Variants in AGAP1 observed in about 807,000 individuals in gnomAD.
The protein encoded by AGAP1 is ArfGAP with GTPase domain, ankyrin repeat and PH domain 1.
AGAP1 carries 29 observed loss-of-function variants against 105.3 expected under a neutral mutation model. The observed-to-expected ratio is 0.28, with a 90% confidence interval of 0.21 to 0.38. AGAP1 has a LOEUF of 0.38. Ranked by LOEUF, AGAP1 falls within the 10% of genes least tolerant of loss-of-function variation. The pLI is 1.00. For missense variants in AGAP1, 998 were observed against 1,165.1 expected (o/e 0.86, Z 2.09); for synonymous variants, 509 against 485.9 (o/e 1.05, Z -0.63).
At chr2:235,767,463 T>C (rs1423549273) in intron 6 of AGAP1, among the ~76,000 whole-genome samples, 3 of 152,156 alleles carry the variant, frequency 2.0e-5, no homozygotes, top group Non-Finnish European at 1.5e-5. Flanking sequence ...AGCCGTTGCT[T>C]TTTCCGTTGA....
In AGAP1 at chr2:236,116,855, C is replaced by T. The variant is rs1046016947; in HGVS notation, c.2115-3337C>T. Among the ~76,000 whole-genome samples, 6 of 152,022 alleles carry T rather than the reference C, an allele frequency of 3.9e-5. No individual in the cohort carries two copies. The South Asian group carries it at 6.2e-4, about 16-fold the overall frequency. On this transcript the variant is annotated intron_variant, in intron 16 of 17. Transcript: ENST00000304032. ...ATCAGTGAGAACATGCGATGTTTGG[C>T]TTTCCATTCTTGAGTTACTTTCCTT...
At chr2:235,785,344 C>T (rs1956557313) in intron 6 of AGAP1, among the ~76,000 whole-genome samples, 1 of 152,168 alleles carries the variant, frequency 6.6e-6, no homozygotes, top group Non-Finnish European at 1.5e-5. Flanking sequence ...GCAAATTAGA[C>T]CTGATAAGTT....
rs1444281049 is a variant in AGAP1 at position 236,104,836 on chromosome 2, T to C, written c.2115-15356T>C. ...TGAACCGGGACCCGGGAGGCGGAGG[T>C]AGCAGTGAGCCCAAGTTCATGCCAC... On this transcript the variant is annotated intron_variant, in intron 16 of 17. Transcript: ENST00000304032. The surrounding 1 kb of genome is among the most constrained non-coding windows in gnomAD (Gnocchi z 4.7). Among the ~76,000 whole-genome samples, 1 of 151,144 alleles carries C rather than the reference T, an allele frequency of 6.6e-6. No individual in the cohort carries two copies. The highest frequency in any genetic ancestry group is 1.5e-5 in the Non-Finnish European group (1 of 67,822).
At chr2:235,502,446 G>A (rs989986382) in intron 1 of AGAP1, among the ~76,000 whole-genome samples, 13 of 152,150 alleles carry the variant, frequency 8.5e-5, no homozygotes, top group African/African-American at 2.7e-4. Context: ...TCTTCCATTG[G>A]TAACCAGAAC....
rs1016337030 is a variant in AGAP1 at position 235,883,132 on chromosome 2, T to C, written c.1051-213T>C. On this transcript the variant is annotated intron_variant, in intron 9 of 17. Coordinates refer to ENST00000304032, the MANE Select transcript of AGAP1 (RefSeq NM_001037131.3). The surrounding 1 kb of genome is among the most constrained non-coding windows in gnomAD (Gnocchi z 4.5). ...TACCTTTAGGTGTTTCCTGTGTGTT[T>C]AGCAGTTAATTATCCAAAAGATCTA... Among the ~76,000 whole-genome samples, 2 of 152,140 alleles carry C rather than the reference T, an allele frequency of 1.3e-5. No individual in the cohort carries two copies. Among genetic ancestry groups the C allele is most frequent in the Non-Finnish European group, 2.9e-5 (2 of 68,036 alleles).
intron 6 of AGAP1, among the ~76,000 whole-genome samples, chr2:235,764,189 T>C (rs1954718967): frequency 2.0e-5 from 3 of 152,178 alleles, no homozygotes. Context: ...CAGACAAATA[T>C]CTGAAGTACA....
chr2:235,886,727 A>G lies in AGAP1; in HGVS notation c.1155+3278A>G, dbSNP rs182417542. Among the ~76,000 whole-genome samples the G allele has an allele frequency of 5.9e-5, 9 of 152,336 alleles. No homozygotes were observed. The East Asian group carries it at 1.5e-3, about 26-fold the overall frequency. On this transcript the variant is annotated intron_variant, in intron 10 of 17. Coordinates refer to ENST00000304032, the MANE Select transcript of AGAP1 (RefSeq NM_001037131.3). ...TTTTGATGCAGGTACGTAGTTCCCT[A>G]TGGAAGGGGCTTAATCCAGGAATGG...
At chr2:235,806,857 T>G (rs1193147289) in intron 8 of AGAP1, among the ~76,000 whole-genome samples, 1 of 152,244 alleles carries the variant, frequency 6.6e-6, no homozygotes, top group African/African-American at 2.4e-5. Context: ...GTTGATGTAG[T>G]AGATTTTCCA....
rs1279476950 is a variant in AGAP1 at position 235,788,894 on chromosome 2, C to A, written c.674-8865C>A. 6.6e-6 allele frequency among the ~76,000 whole-genome samples: 1 copy of A among 152,196 alleles called. No individual in the cohort carries two copies. Among genetic ancestry groups the A allele is most frequent in the African/African-American group, 2.4e-5 (1 of 41,462 alleles). ...ACGTTTGCATGTTGGTGCTTCTGAA[C>A]ACAGGATCCCTGGTCCTCCTGAGGC... On this transcript the variant is annotated intron_variant, in intron 6 of 17. Transcript: ENST00000304032. This position sits in a 1 kb window ranked among gnomAD's most constrained non-coding sequence, Gnocchi z 6.0.
chr2:235,760,341 T>A (rs1393350036), intron 6 of AGAP1, among the ~76,000 whole-genome samples: 1 of 152,218 alleles, frequency 6.6e-6, no homozygotes, highest in Non-Finnish European at 1.5e-5. Flanking sequence ...ATCACGCCAC[T>A]GCACTCCAGC....
rs553698874 is a variant in AGAP1 at position 235,691,162 on chromosome 2, C to G, written c.164-18017C>G. On this transcript the variant is annotated intron_variant, in intron 1 of 17. Transcript: ENST00000304032. This position sits in a 1 kb window ranked among gnomAD's most constrained non-coding sequence, Gnocchi z 4.4. Reference sequence around the variant, plus strand: ...CCATGCGATTCTGAGGCCTTGGTCCCTTCTGAGAGACCCCAGCCCCGAGAG... The same window carrying G: ...CCATGCGATTCTGAGGCCTTGGTCCGTTCTGAGAGACCCCAGCCCCGAGAG... Among the ~76,000 whole-genome samples the G allele has an allele frequency of 2.5e-4, 38 of 152,276 alleles. No individual in the cohort carries two copies. The highest frequency in any genetic ancestry group is 7.5e-4 in the African/African-American group (31 of 41,568).
In AGAP1 at chr2:235,799,579, G is replaced by A. The variant is rs1957398015; in HGVS notation, c.957+57G>A. Reference sequence around the variant, plus strand: ...GCGATTCCGAAGCGTTCCCATTAACGTAAACCTGGTTGCCACATGGTTCAG... The same window carrying A: ...GCGATTCCGAAGCGTTCCCATTAACATAAACCTGGTTGCCACATGGTTCAG... On this transcript the variant is annotated intron_variant, in intron 8 of 17. Transcript: ENST00000304032. The surrounding 1 kb of genome is among the most constrained non-coding windows in gnomAD (Gnocchi z 5.0). 3.9e-5 allele frequency: 62 copies of A among 1,576,302 alleles called. No individual in the cohort carries two copies. The highest frequency in any genetic ancestry group is 2.9e-4 in the Admixed American group (17 of 58,154).
At chr2:235,765,988 G>A (rs760636988) in intron 6 of AGAP1, among the ~76,000 whole-genome samples, 2 of 152,200 alleles carry the variant, frequency 1.3e-5, no homozygotes, top group Non-Finnish European at 2.9e-5. Context: ...GACAGGACCG[G>A]TCTTGTCAGA....
intron 1 of AGAP1, among the ~76,000 whole-genome samples, chr2:235,673,640 G>C (rs1402102181): frequency 6.6e-6 from 1 of 152,208 alleles, no homozygotes; most frequent in Non-Finnish European, 1.5e-5. Context: ...ATGAAAAGAA[G>C]TTCCATTCTC....
At chr2:235,504,963 G>T (rs1179551669) in intron 1 of AGAP1, among the ~76,000 whole-genome samples, 1 of 152,156 alleles carries the variant, frequency 6.6e-6, no homozygotes, top group African/African-American at 2.4e-5. Context: ...GGAAGAGGGC[G>T]CAGTTCCTCT....
In AGAP1 at chr2:236,128,247, T is replaced by C. The variant is rs2060033740; in HGVS notation, c.*4125T>C. On this transcript the variant is annotated 3_prime_UTR_variant, in exon 18 of 18. Transcript: ENST00000304032. The surrounding 1 kb of genome is among the most constrained non-coding windows in gnomAD (Gnocchi z 5.9). ...GCTTTGTAGTCTGAGGTTGATTTTC[T>C]AGAGGCGAGGAAGGGGCTGAGTTCT... 1.3e-5 allele frequency: 2 copies of C among 152,424 alleles called. No homozygotes were observed. Among genetic ancestry groups the C allele is most frequent in the African/African-American group, 4.8e-5 (2 of 41,464 alleles). 9.4% of individuals were successfully genotyped at this position (152,424 alleles called of 1,614,324 possible).
In AGAP1 at chr2:236,047,798, C is replaced by T. The variant is rs911600009; in HGVS notation, c.1892-1261C>T. On this transcript the variant is annotated intron_variant, in intron 15 of 17. Coordinates refer to ENST00000304032, the MANE Select transcript of AGAP1 (RefSeq NM_001037131.3). ...TGTAATGTTAGTAGAGACAGGGTTT[C>T]ACCATGTTGGTCATGCTGGTCTCGA... Among the ~76,000 whole-genome samples, 4 of 151,656 alleles carry T rather than the reference C, an allele frequency of 2.6e-5. No individual in the cohort carries two copies. In the East Asian group the frequency reaches 7.9e-4, roughly 30 times the overall value.
At chr2:235,495,630 A>AG (rs1312293236) in intron 1 of AGAP1, among the ~76,000 whole-genome samples, 1 of 152,248 alleles carries the variant, frequency 6.6e-6, no homozygotes, top group African/African-American at 2.4e-5. Context: ...CATGTCAGGC[A>AG]GGGCCATGGC....
At position 235,976,425 on chromosome 2, in the gene AGAP1, AG is replaced by A. The variant is rs1447037239; in HGVS notation, c.1645+7804del. ...TCTCAGATCCTTTGTGGAAGCCAGCAGGTCGGAAATAAACAAAGATGAGTCG... is the reference window on the plus strand; with the variant it reads ...TCTCAGATCCTTTGTGGAAGCCAGCAGTCGGAAATAAACAAAGATGAGTCG... On this transcript the variant is annotated intron_variant, in intron 13 of 17. Transcript: ENST00000304032. The surrounding 1 kb of genome is among the most constrained non-coding windows in gnomAD (Gnocchi z 4.5). Among the ~76,000 whole-genome samples the A allele has an allele frequency of 6.6e-6, 1 of 152,222 alleles. No individual in the cohort carries two copies. Among genetic ancestry groups the A allele is most frequent in the Non-Finnish European group, 1.5e-5 (1 of 68,052 alleles).
Sources: allele counts gnomAD v4.1 joint callset (sites outside exome capture counted in the v4.1 genomes callset), GRCh38; gene constraint gnomAD v4.1.1; non-coding constraint Gnocchi (gnomAD v3.1); transcripts MANE v1.5; gene names NCBI Gene and HGNC (gene_info 2026-07-23, HGNC 2026-07-21).